The following CTNNA3 variants were observed in gnomAD, a reference collection of about 807,000 sequenced individuals.
The protein encoded by CTNNA3 is catenin alpha-3.
A neutral mutation model predicts 95.7 loss-of-function variants in CTNNA3; 76 were observed. The observed-to-expected ratio is 0.79, with a 90% CI of 0.66 to 0.96. The LOEUF is 0.96. CTNNA3 is among the 40% of genes least tolerant of loss of function. The pLI, the probability that CTNNA3 is intolerant of heterozygous loss-of-function variation, is 0.00. For missense variants in CTNNA3, 1,191 were observed against 1,089.8 expected (o/e 1.09, Z -1.31); for synonymous variants, 431 against 374.4 (o/e 1.15, Z -1.74).
rs1473668917 is a variant in CTNNA3, at chr10:66,428,806, G to A, written c.1532-49454C>T. ...AATGCCCACAAGAGAAAGCAGGAAA[G>A]ATCCAAAATTGACACCCTAACATCA... is the stretch of plus-strand genomic sequence containing the variant. On this transcript the variant is annotated intron_variant, in intron 11 of 17. Coordinates refer to ENST00000433211, the MANE Select transcript of CTNNA3 (RefSeq NM_013266.4). Among the ~76,000 whole-genome samples, 50 of 152,002 alleles carry A rather than the reference G, an allele frequency of 3.3e-4. No individual in the cohort carries two copies. The East Asian group carries it at 4.1e-3, about 12-fold the overall frequency.
intron 4 of CTNNA3, among the ~76,000 whole-genome samples, chr10:67,538,989 CAT>C (rs1448436404): frequency 4.6e-5 from 7 of 152,124 alleles, no homozygotes; most frequent in Non-Finnish European, 1.0e-4. Context: ...ATTATTTACT[CAT>C]ATTAAATACA....
intron 15 of CTNNA3, among the ~76,000 whole-genome samples, chr10:66,029,559 A>T (rs1450395145): frequency 2.0e-5 from 3 of 152,180 alleles, no homozygotes; most frequent in Non-Finnish European, 4.4e-5. Context: ...TTAAAATTAT[A>T]ACCTACAACC....
intron 11 of CTNNA3, among the ~76,000 whole-genome samples, chr10:66,407,342 A>C (rs773170557): frequency 8.9e-4 from 134 of 150,158 alleles, no homozygotes; most frequent in Non-Finnish European, 1.5e-3. Flanking sequence ...TCCACTTTTA[A>C]AGCAGCCTAT....
At chr10:66,492,948 G>A (rs1029809296) in intron 11 of CTNNA3, among the ~76,000 whole-genome samples, 2 of 152,066 alleles carry the variant, frequency 1.3e-5, no homozygotes, top group Admixed American at 6.5e-5. Flanking sequence ...AAACAGTTGG[G>A]TTTATCCCTT....
At chr10:67,512,312 C>T (rs564602393) in intron 5 of CTNNA3, among the ~76,000 whole-genome samples, 1 of 152,134 alleles carries the variant, frequency 6.6e-6, no homozygotes, top group South Asian at 2.1e-4. Context: ...CCACTATGAA[C>T]AGTAGTATGA....
chr10:67,671,767 C>T (rs1348279878), intron 1 of CTNNA3, among the ~76,000 whole-genome samples: 4 of 151,772 alleles, frequency 2.6e-5, no homozygotes, highest in African/African-American at 7.3e-5. Flanking sequence ...CGTTGTTGGA[C>T]ATTTGGGTTG....
chr10:67,293,728 C>T (rs1177305717), intron 5 of CTNNA3, among the ~76,000 whole-genome samples: 2 of 145,442 alleles, frequency 1.4e-5, no homozygotes, highest in African/African-American at 5.1e-5. Flanking sequence ...CATGTGTTCT[C>T]ATTGTTCAAT....
intron 1 of CTNNA3, among the ~76,000 whole-genome samples, chr10:67,735,561 T>G (rs1841298202): frequency 6.6e-6 from 1 of 152,072 alleles, no homozygotes; most frequent in Non-Finnish European, 1.5e-5. Context: ...TTCAACATCA[T>G]TAGTCATTAG....
At chr10:66,146,164 T>G (rs2083876176) in intron 13 of CTNNA3, among the ~76,000 whole-genome samples, 1 of 152,170 alleles carries the variant, frequency 6.6e-6, no homozygotes, top group Non-Finnish European at 1.5e-5. Flanking sequence ...AGTGGCTTTT[T>G]TATATCTCAG....
chr10:66,367,866 ATAATAATAATAATAATTATTAT>A (rs1277506485), intron 12 of CTNNA3, among the ~76,000 whole-genome samples: 1 of 55,762 alleles, frequency 1.8e-5, no homozygotes, highest in East Asian at 5.9e-4. Context: ...AATAATAATA[ATAATAATAATAATAATTATTAT>A]TATTATTATT....
intron 7 of CTNNA3, among the ~76,000 whole-genome samples, chr10:66,920,913 C>T (rs1172766935): frequency 6.6e-6 from 1 of 152,186 alleles, no homozygotes; most frequent in East Asian, 1.9e-4. Flanking sequence ...ACCACTTCCA[C>T]TGCTAACACC....
At chr10:66,673,670 G>A (rs903419183) in intron 9 of CTNNA3, among the ~76,000 whole-genome samples, 13 of 152,006 alleles carry the variant, frequency 8.6e-5, no homozygotes, top group South Asian at 4.1e-4. Flanking sequence ...CAGCCACATC[G>A]TCAAAGGATA....
At chr10:65,997,634 C>T (rs111248346) in intron 15 of CTNNA3, among the ~76,000 whole-genome samples, 2,356 of 152,192 alleles carry the variant, frequency 0.015, 68 homozygotes, top group African/African-American at 0.054. Flanking sequence ...GTCAATGAGG[C>T]CTATAAGAAC....
chr10:66,150,391 G>T (rs2084137017), intron 13 of CTNNA3, among the ~76,000 whole-genome samples: 1 of 152,046 alleles, frequency 6.6e-6, no homozygotes, highest in Non-Finnish European at 1.5e-5. Flanking sequence ...CCCGTCTCGG[G>T]TATGTCTTTA....
intron 7 of CTNNA3, among the ~76,000 whole-genome samples, chr10:66,842,178 A>G (rs948805518): frequency 6.6e-6 from 1 of 151,966 alleles, no homozygotes; most frequent in Admixed American, 6.6e-5. Flanking sequence ...TCAGGGCTCA[A>G]GCAATCCTCC....
At chr10:67,094,830 C>T (rs906248720) in intron 7 of CTNNA3, among the ~76,000 whole-genome samples, 2 of 151,620 alleles carry the variant, frequency 1.3e-5, no homozygotes, top group Non-Finnish European at 3.0e-5. Context: ...AATGTACACA[C>T]ATGTGCATAC....
intron 7 of CTNNA3, among the ~76,000 whole-genome samples, chr10:66,973,799 A>G (rs1353253809): frequency 6.6e-6 from 1 of 151,522 alleles, no homozygotes; most frequent in African/African-American, 2.4e-5. Context: ...AATTTTTTGT[A>G]TTTTTACTGA....
intron 7 of CTNNA3, among the ~76,000 whole-genome samples, chr10:67,083,660 C>A (rs1483995368): frequency 6.6e-6 from 1 of 152,116 alleles, no homozygotes; most frequent in Non-Finnish European, 1.5e-5. Context: ...TATTAAGCAA[C>A]CATGTGGCTT....
chr10:66,490,853 C>T (rs377757272), intron 11 of CTNNA3, among the ~76,000 whole-genome samples: 1 of 152,184 alleles, frequency 6.6e-6, no homozygotes, highest in African/African-American at 2.4e-5. Context: ...CTAATACATG[C>T]TGACACCCCT....
Sources: gnomAD v4.1 joint callset for allele counts (sites outside exome capture counted in the v4.1 genomes callset) on GRCh38, gnomAD v4.1.1 for gene constraint, MANE v1.5 for transcripts, NCBI Gene and HGNC (gene_info 2026-07-23, HGNC 2026-07-21) for gene names.